The following NLK variants were observed in gnomAD, a reference collection of about 807,000 sequenced individuals.
The protein encoded by NLK is serine/threonine-protein kinase NLK.
NLK carries 11 observed loss-of-function variants against 59.0 expected under a neutral mutation model. That is an observed-to-expected ratio of 0.19 (90% CI 0.12 to 0.31). The LOEUF is 0.31. NLK is among the 10% of genes least tolerant of loss of function. The pLI is 1.00. For synonymous variants in NLK, 235 were observed against 235.9 expected (o/e 1.00, Z 0.03); for missense variants, 410 against 661.1 (o/e 0.62, Z 4.16).
chr17:28,168,907 C>T (rs1029363120), intron 6 of NLK, among the ~76,000 whole-genome samples: 17 of 151,888 alleles, frequency 1.1e-4, no homozygotes, highest in African/African-American at 2.7e-4. Flanking sequence ...TTTTTTGAGA[C>T]GGAGTTTTGC....
intron 1 of NLK, among the ~76,000 whole-genome samples, chr17:28,070,450 G>A (rs1486214276): frequency 1.3e-5 from 2 of 149,768 alleles, no homozygotes. Flanking sequence ...CACCTTCCAG[G>A]TTCAAGGATT....
chr17:28,067,812 C>A (rs564339073), intron 1 of NLK, among the ~76,000 whole-genome samples: 1 of 150,472 alleles, frequency 6.6e-6, no homozygotes, highest in Non-Finnish European at 1.5e-5. Context: ...GTATTGTGAT[C>A]CAAACTGTAG....
At chr17:28,144,807 T>C (rs1292405425) in intron 3 of NLK, among the ~76,000 whole-genome samples, 1 of 152,200 alleles carries the variant, frequency 6.6e-6, no homozygotes, top group African/African-American at 2.4e-5. Flanking sequence ...CCACTAAATA[T>C]ATCAGACTTG....
chr17:28,099,568 CT>C (rs945214545), intron 1 of NLK, among the ~76,000 whole-genome samples: 145 of 122,938 alleles, frequency 1.2e-3, no homozygotes, highest in South Asian at 2.5e-3. Flanking sequence ...TTGTGTTTGA[CT>C]TTTTTTTTTT....
chr17:28,057,559 T>C (rs1277581491), intron 1 of NLK, among the ~76,000 whole-genome samples: 1 of 152,244 alleles, frequency 6.6e-6, no homozygotes, highest in Non-Finnish European at 1.5e-5. Flanking sequence ...CTACAAACTT[T>C]TTTTTGTTGT....
At chr17:28,065,872 C>G (rs889220947) in intron 1 of NLK, among the ~76,000 whole-genome samples, 1 of 152,176 alleles carries the variant, frequency 6.6e-6, no homozygotes, top group Admixed American at 6.5e-5. Flanking sequence ...CAGCTCATTT[C>G]TCCACTGCTC....
chr17:28,144,237 T>A (rs1907138211), intron 3 of NLK, among the ~76,000 whole-genome samples: 1 of 152,156 alleles, frequency 6.6e-6, no homozygotes, highest in East Asian at 1.9e-4. Context: ...TGCATAAAGA[T>A]GATTTAGTGT....
intron 2 of NLK, among the ~76,000 whole-genome samples, chr17:28,128,064 T>A (rs1390217626): frequency 6.6e-6 from 1 of 152,172 alleles, no homozygotes; most frequent in African/African-American, 2.4e-5. Flanking sequence ...GAGATATCCA[T>A]ATTAAAAAAA....
intron 1 of NLK, among the ~76,000 whole-genome samples, chr17:28,108,834 A>C (rs532235760): frequency 6.6e-6 from 1 of 152,092 alleles, no homozygotes; most frequent in African/African-American, 2.4e-5. Context: ...TTACCTGAGA[A>C]TCTCTATTCC....
intron 10 of NLK, among the ~76,000 whole-genome samples, chr17:28,193,875 G>C (rs1189848217): frequency 1.3e-5 from 2 of 152,274 alleles, no homozygotes; most frequent in Middle Eastern, 3.4e-3. Context: ...TTTCCCCTAA[G>C]AGTCAGTGAC....
chr17:28,137,478 A>T (rs986507075), intron 3 of NLK, among the ~76,000 whole-genome samples: 1 of 152,160 alleles, frequency 6.6e-6, no homozygotes, highest in South Asian at 2.1e-4. Flanking sequence ...AAAAATTGGG[A>T]TATATATCAC....
At chr17:28,148,892 TGAAAG>T (rs1907363610) in intron 3 of NLK, among the ~76,000 whole-genome samples, 1 of 152,200 alleles carries the variant, frequency 6.6e-6, no homozygotes, top group Non-Finnish European at 1.5e-5. Context: ...CAATTTCTTC[TGAAAG>T]GAAAGACTAA....
At chr17:28,185,381 C>G in intron 8 of NLK, 116 bp downstream of exon 8, 1 of 636,978 alleles carries the variant, frequency 1.6e-6, no homozygotes, top group South Asian at 2.2e-5. Flanking sequence ...AGAATATAAA[C>G]TTCAATCCCC....
rs1272437074 is a variant in NLK, at chr17:28,078,817, A to G, written c.458+35486A>G. Among the ~76,000 whole-genome samples, 5 of 152,096 alleles carry G rather than the reference A, an allele frequency of 3.3e-5. No homozygotes were observed. In the East Asian group the frequency reaches 9.6e-4, roughly 29 times the overall value. ...ATAAAGTTCATCTGTAGTCCTAGCA[A>G]GGCATTAAAGGACCCTTAAAAAAAA... On this transcript the variant is annotated intron_variant, in intron 1 of 10. Coordinates refer to ENST00000407008, the MANE Select transcript of NLK (RefSeq NM_016231.5).
chr17:28,134,241 T>C (rs1005981606), intron 3 of NLK, among the ~76,000 whole-genome samples: 25 of 151,628 alleles, frequency 1.6e-4, no homozygotes, highest in African/African-American at 5.8e-4. Context: ...CTACCAAAAA[T>C]ACAAAAAAAA....
intron 8 of NLK, among the ~76,000 whole-genome samples, chr17:28,185,798 A>G (rs904180210): frequency 6.6e-6 from 1 of 152,174 alleles, no homozygotes; most frequent in East Asian, 1.9e-4. Context: ...TCAGCCCCGC[A>G]AAGTGCTGGG....
chr17:28,184,101 T>A (rs1032104261), intron 7 of NLK, among the ~76,000 whole-genome samples: 1 of 152,242 alleles, frequency 6.6e-6, no homozygotes, highest in African/African-American at 2.4e-5. Context: ...GATATGGCCA[T>A]GTGGATATGC....
chr17:28,176,477 A>ATT (rs953052704), intron 7 of NLK, among the ~76,000 whole-genome samples: 1 of 152,216 alleles, frequency 6.6e-6, no homozygotes, highest in African/African-American at 2.4e-5. Flanking sequence ...AATTCTCACA[A>ATT]TAACACTATA....
At chr17:28,069,474 A>G (rs1597663065) in intron 1 of NLK, among the ~76,000 whole-genome samples, 1 of 152,246 alleles carries the variant, frequency 6.6e-6, no homozygotes, top group African/African-American at 2.4e-5. Context: ...GCAGTTTTCC[A>G]AAGTGGCTTT....
Sources: allele counts gnomAD v4.1 joint callset (sites outside exome capture counted in the v4.1 genomes callset), GRCh38; gene constraint gnomAD v4.1.1; transcripts MANE v1.5; gene names NCBI Gene and HGNC (gene_info 2026-07-23, HGNC 2026-07-21).